The following EPS15 variants were observed in gnomAD, a reference collection of about 807,000 sequenced individuals.
The protein encoded by EPS15 is epidermal growth factor receptor pathway substrate 15.
Under a neutral mutation model 113.8 loss-of-function variants are expected in EPS15, and 72 were observed. The ratio of observed to expected loss-of-function variants is 0.63; its 90% CI spans 0.52 to 0.77. The LOEUF (loss-of-function observed/expected upper bound fraction) is 0.77. EPS15 is among the 30% of genes least tolerant of loss of function. The pLI is 0.00. For missense variants in EPS15, 1,048 were observed against 1,045.8 expected, an observed-to-expected ratio of 1.00 and a Z score of -0.03; for synonymous variants, 344 against 363.4, an observed-to-expected ratio of 0.95 and a Z score of 0.61.
chr1:51,357,424 A>ATTTTT (rs1389203817), intron 24 of EPS15, among the ~76,000 whole-genome samples: 3 of 68,180 alleles, frequency 4.4e-5, no homozygotes, highest in African/African-American at 2.3e-4. Context: ...ATATATATAT[A>ATTTTT]TATTTTTTTT....
intron 1 of EPS15, among the ~76,000 whole-genome samples, chr1:51,514,790 G>C (rs1175957586): frequency 6.6e-6 from 1 of 152,130 alleles, no homozygotes; most frequent in Non-Finnish European, 1.5e-5. Context: ...CCCAAGTGCT[G>C]AACATTTCAA....
intron 21 of EPS15, among the ~76,000 whole-genome samples, chr1:51,367,445 T>G (rs1203582978): frequency 6.6e-6 from 1 of 152,048 alleles, no homozygotes; most frequent in African/African-American, 2.4e-5. Flanking sequence ...ATCAGCTGCT[T>G]GGGAAGCTGA....
chr1:51,488,486 A>AAAAC (rs1261832620), intron 1 of EPS15, among the ~76,000 whole-genome samples: 1 of 150,568 alleles, frequency 6.6e-6, no homozygotes, highest in Non-Finnish European at 1.5e-5. Context: ...AAAAAAAAAA[A>AAAAC]AAAAAAAAAA....
At chr1:51,379,232 G>A (rs866724231) in intron 21 of EPS15, among the ~76,000 whole-genome samples, 2 of 152,090 alleles carry the variant, frequency 1.3e-5, no homozygotes, top group African/African-American at 2.4e-5. Flanking sequence ...TGATTCTCCC[G>A]CCTCAGCCTC....
intron 13 of EPS15, among the ~76,000 whole-genome samples, chr1:51,410,228 C>CAAA (rs556314251): frequency 5.7e-5 from 8 of 140,242 alleles, no homozygotes; most frequent in Non-Finnish European, 1.2e-4. Context: ...AACTCCATCT[C>CAAA]AAAAAAAAAA....
intron 16 of EPS15, among the ~76,000 whole-genome samples, chr1:51,405,556 A>T (rs1413746390): frequency 6.6e-6 from 1 of 151,898 alleles, no homozygotes; most frequent in East Asian, 1.9e-4. Context: ...AAATTAGCTG[A>T]GTGTGGTGGC....
At chr1:51,366,466 A>C (rs72694134) in intron 21 of EPS15, among the ~76,000 whole-genome samples, 2,931 of 152,312 alleles carry the variant, frequency 0.019, 46 homozygotes, top group Non-Finnish European at 0.031. Flanking sequence ...ACTGACACCC[A>C]CAAAGACAGA....
chr1:51,413,662 T>C (rs1649950031), intron 13 of EPS15, among the ~76,000 whole-genome samples: 1 of 152,246 alleles, frequency 6.6e-6, no homozygotes. Context: ...TTCAGTATTT[T>C]TATAATCTAT....
At chr1:51,420,084 G>A (rs1650605490) in intron 13 of EPS15, among the ~76,000 whole-genome samples, 1 of 151,934 alleles carries the variant, frequency 6.6e-6, no homozygotes, top group Non-Finnish European at 1.5e-5. Flanking sequence ...TATACTTAGA[G>A]CACTCTATGT....
intron 14 of EPS15, among the ~76,000 whole-genome samples, chr1:51,409,037 C>T (rs145736495): frequency 3.9e-5 from 6 of 152,210 alleles, no homozygotes; most frequent in East Asian, 3.9e-4. Flanking sequence ...CCGCCTGCCT[C>T]GGCCTCCCAA....
chr1:51,490,789 A>G (rs1200909919), intron 1 of EPS15, among the ~76,000 whole-genome samples: 1 of 152,092 alleles, frequency 6.6e-6, no homozygotes, highest in Non-Finnish European at 1.5e-5. Flanking sequence ...AGTTACATGA[A>G]CCCACACATA....
chr1:51,471,162 C>T (rs1471094994), intron 4 of EPS15, among the ~76,000 whole-genome samples: 1 of 152,158 alleles, frequency 6.6e-6, no homozygotes, highest in African/African-American at 2.4e-5. Flanking sequence ...ACTCTGAAAT[C>T]CATCCCCAAC....
chr1:51,450,953 C>T (rs1653496050), intron 8 of EPS15, among the ~76,000 whole-genome samples: 1 of 151,648 alleles, frequency 6.6e-6, no homozygotes, highest in South Asian at 2.1e-4. Flanking sequence ...GTGGTGGTGC[C>T]TTCAGGCATA....
intron 9 of EPS15, 160 bp downstream of exon 9, chr1:51,447,886 G>A: frequency 1.4e-6 from 1 of 719,604 alleles, no homozygotes; most frequent in South Asian, 6.3e-5. Flanking sequence ...ACTGTTAAAT[G>A]CCATGTACTT....
At chr1:51,423,505 A>C in intron 12 of EPS15, 1 of 985,420 alleles carries the variant, frequency 1.0e-6, no homozygotes, top group Non-Finnish European at 1.2e-6. Context: ...GAGATAAGTC[A>C]CATGAAAATC....
At chr1:51,434,260 G>A (rs1403235551) in intron 12 of EPS15, among the ~76,000 whole-genome samples, 4 of 152,112 alleles carry the variant, frequency 2.6e-5, no homozygotes, top group South Asian at 2.1e-4. Flanking sequence ...TCATAGCAGC[G>A]TTATTCATAA....
chr1:51,503,191 T>C (rs1009820333), intron 1 of EPS15, among the ~76,000 whole-genome samples: 1 of 152,150 alleles, frequency 6.6e-6, no homozygotes, highest in African/African-American at 2.4e-5. Context: ...CAGAAGACCT[T>C]GTTAAGATAA....
chr1:51,461,234 T>C, intron 7 of EPS15, 84 bp from the exon 8 acceptor site: 4 of 996,698 alleles, frequency 4.0e-6, no homozygotes, highest in Non-Finnish European at 4.8e-6. Context: ...GTTTATGAGC[T>C]AGGAATGGTG....
chr1:51,448,919 C>T (rs1307636743), intron 8 of EPS15, among the ~76,000 whole-genome samples: 1 of 152,110 alleles, frequency 6.6e-6, no homozygotes, highest in African/African-American at 2.4e-5. Context: ...AGTTCCTGCC[C>T]AAAATGAATT....
Sources: allele counts gnomAD v4.1 joint callset (sites outside exome capture counted in the v4.1 genomes callset), GRCh38; gene constraint gnomAD v4.1.1; transcripts MANE v1.5; gene names NCBI Gene and HGNC (gene_info 2026-07-23, HGNC 2026-07-21).